Variants in ZNF567 observed in about 807,000 individuals in gnomAD.
ZNF567 encodes zinc finger protein 567.
Under a neutral mutation model 53.9 loss-of-function variants are expected in ZNF567, and 36 were observed. The observed-to-expected ratio is 0.67, with a 90% CI of 0.51 to 0.88. The LOEUF is 0.88. Ranked by LOEUF, ZNF567 falls within the 40% of genes least tolerant of loss-of-function variation. The pLI is 0.00. For missense variants in ZNF567, 619 were observed against 764.7 expected (o/e 0.81, Z 2.25); for synonymous variants, 224 against 260.4 (o/e 0.86, Z 1.35).
At chr19:36,689,870 C>T (rs2038504987) in intron 2 of ZNF567, among the ~76,000 whole-genome samples, 1 of 152,136 alleles carries the variant, frequency 6.6e-6, no homozygotes, top group Non-Finnish European at 1.5e-5. Flanking sequence ...GAATCACTCA[C>T]GTTTTTCCCC....
chr19:36,719,739 T>C lies in ZNF567; in HGVS notation c.1015T>C (p.Cys339Arg). Reference sequence around the variant, plus strand: ...ACACACAGGGGAGAAATCGTATGAATGTCTGCAATGTAGGAATGCCTTCAG... The same window carrying C: ...ACACACAGGGGAGAAATCGTATGAACGTCTGCAATGTAGGAATGCCTTCAG... ...RTHTGEKSYE[C>R]LQCRNAFRLK... The change falls in exon 6 of 6, where the codon TGT (cysteine) becomes CGT (arginine). Residue 339 changes from cysteine to arginine, a missense_variant. Coordinates refer to ENST00000682579, the MANE Select transcript of ZNF567 (RefSeq NM_001322917.1). The C allele has an allele frequency of 6.2e-7, 1 of 1,614,186 alleles. No individual in the cohort carries two copies. Among genetic ancestry groups the C allele is most frequent in the Non-Finnish European group, 8.5e-7 (1 of 1,180,022 alleles).
At chr19:36,689,632 G>A (rs2038489872) in intron 2 of ZNF567, 135 bp downstream of exon 2, 1 of 152,168 alleles carries the variant, frequency 6.6e-6, no homozygotes, top group African/African-American at 2.4e-5. Flanking sequence ...CACCGACTCT[G>A]GTGGGTGGGT....
At chr19:36,672,052 C>G in the ZNF567 span, among the ~76,000 whole-genome samples, 3 of 152,292 alleles carry the variant, frequency 2.0e-5, no homozygotes, top group Admixed American at 6.5e-5. Flanking sequence ...AAGACTCAGG[C>G]CTGGTTTACA....
downstream of ZNF567, among the ~76,000 whole-genome samples, chr19:36,724,430 C>A (rs1274540348): frequency 6.6e-6 from 1 of 151,874 alleles, no homozygotes; most frequent in Non-Finnish European, 1.5e-5. Flanking sequence ...TGCCTGTAAT[C>A]CCAGCACTTT....
chr19:36,680,377 C>T, the ZNF567 span, among the ~76,000 whole-genome samples: 7 of 152,220 alleles, frequency 4.6e-5, no homozygotes, highest in South Asian at 6.2e-4. Context: ...CAGCAAGTAG[C>T]GGTAAACATC....
At chr19:36,718,789 A>G (rs951399048) in intron 5 of ZNF567, among the ~76,000 whole-genome samples, 159 bp from the exon 6 acceptor site, 1 of 152,134 alleles carries the variant, frequency 6.6e-6, no homozygotes, top group African/African-American at 2.4e-5. Context: ...TCCACTCTGA[A>G]GCAGTTTTTG....
intron 2 of ZNF567, among the ~76,000 whole-genome samples, chr19:36,690,708 C>T (rs2038556418): frequency 6.6e-6 from 1 of 152,152 alleles, no homozygotes; most frequent in African/African-American, 2.4e-5. Flanking sequence ...TTGAAATGTT[C>T]TAAAATTAGG....
At chr19:36,715,478 AAAT>A (rs200738092) in intron 5 of ZNF567, among the ~76,000 whole-genome samples, 1,297 of 120,364 alleles carry the variant, frequency 0.011, 19 homozygotes, top group Admixed American at 0.016. Flanking sequence ...ATTTAACTCA[AAAT>A]AATAATAATA....
chr19:36,692,189 G>A (rs551471955), intron 2 of ZNF567, among the ~76,000 whole-genome samples: 2 of 152,264 alleles, frequency 1.3e-5, no homozygotes, highest in Admixed American at 6.5e-5. Flanking sequence ...GTATTGATGG[G>A]TCGTTTAAAC....
chr19:36,688,827 G>A (rs1347528239), intron 1 of ZNF567, among the ~76,000 whole-genome samples: 1 of 150,172 alleles, frequency 6.7e-6, no homozygotes, highest in South Asian at 2.1e-4. Context: ...AAAAGATTGG[G>A]CCCATGCGCG....
chr19:36,727,083 A>AT (rs1002819721), downstream of ZNF567: 1 of 118,436 alleles, frequency 8.4e-6, no homozygotes, highest in Non-Finnish European at 1.8e-5. Context: ...TTATTTATTT[A>AT]TTTTTTGAGA....
At chr19:36,688,913 C>G (rs1012645431) in intron 1 of ZNF567, among the ~76,000 whole-genome samples, 2 of 152,012 alleles carry the variant, frequency 1.3e-5, no homozygotes, top group African/African-American at 4.8e-5. Context: ...GTTTGACCAG[C>G]ATGGTGAAAC....
chr19:36,668,420 G>T, the ZNF567 span: 1 of 152,362 alleles, frequency 6.6e-6, no homozygotes. Flanking sequence ...GCGCAGCCAC[G>T]TGCACAGGGA....
intron 1 of ZNF567, among the ~76,000 whole-genome samples, chr19:36,689,068 G>A: frequency 6.6e-6 from 1 of 152,200 alleles, no homozygotes; most frequent in Non-Finnish European, 1.5e-5. Flanking sequence ...CTGCACTCCA[G>A]CCTGGGCGAC....
At chr19:36,709,301 T>C (rs892472501) in intron 3 of ZNF567, among the ~76,000 whole-genome samples, 15 of 152,246 alleles carry the variant, frequency 9.9e-5, no homozygotes, top group African/African-American at 2.9e-4. Flanking sequence ...ACATATTATC[T>C]ATGGTTGCTT....
the ZNF567 span, among the ~76,000 whole-genome samples, chr19:36,672,006 T>C: frequency 6.6e-6 from 1 of 152,252 alleles, no homozygotes; most frequent in East Asian, 1.9e-4. Context: ...CGTGGCCTCA[T>C]GGGGAGTTCC....
chr19:36,718,624 T>G (rs1357124336), intron 5 of ZNF567, among the ~76,000 whole-genome samples: 1 of 152,242 alleles, frequency 6.6e-6, no homozygotes, highest in Non-Finnish European at 1.5e-5. Context: ...ATTTTAATGC[T>G]TTTGATAGGT....
chr19:36,727,500 C>T (rs1345054592), downstream of ZNF567: 1 of 152,442 alleles, frequency 6.6e-6, no homozygotes. Flanking sequence ...CTGCCTCAGC[C>T]TCCCGAGTAG....
chr19:36,679,550 T>C, the ZNF567 span, among the ~76,000 whole-genome samples: 1 of 152,198 alleles, frequency 6.6e-6, no homozygotes, highest in Non-Finnish European at 1.5e-5. Context: ...TGTAGCATTA[T>C]TCACAATAAC....
Sources: allele counts gnomAD v4.1 joint callset (sites outside exome capture counted in the v4.1 genomes callset), GRCh38; gene constraint gnomAD v4.1.1; transcripts MANE v1.5; gene names NCBI Gene and HGNC (gene_info 2026-07-23, HGNC 2026-07-21).